RBFOX1: variants seen among roughly 807,000 people sequenced by gnomAD.
RBFOX1 encodes RNA binding fox-1 homolog 1.
RBFOX1 carries 8 observed loss-of-function variants against 57.7 expected under a neutral mutation model. That is an observed-to-expected ratio of 0.14 (90% CI 0.08 to 0.25). The LOEUF (loss-of-function observed/expected upper bound fraction) is 0.25, where lower values mean the gene tolerates loss of function less well. Among genes scored for constraint, RBFOX1 ranks in the 10% least tolerant of loss-of-function variants. The pLI, the probability that RBFOX1 is intolerant of heterozygous loss-of-function variation, is 1.00. For missense variants in RBFOX1, 611 were observed against 548.5 expected, an observed-to-expected ratio of 1.11 and a Z score of -1.14; for synonymous variants, 326 against 222.4, an observed-to-expected ratio of 1.47 and a Z score of -4.15.
At chr16:6,607,994 G>A (rs895000949) in intron 2 of RBFOX1, among the ~76,000 whole-genome samples, 23 of 152,128 alleles carry the variant, frequency 1.5e-4, no homozygotes, top group African/African-American at 5.6e-4. Flanking sequence ...TACTGGGAAG[G>A]CTTTGGTAGG....
intron 4 of RBFOX1, among the ~76,000 whole-genome samples, chr16:7,285,075 C>CTT (rs58959488): frequency 0.04 from 1,687 of 42,682 alleles, 435 homozygotes; most frequent in Non-Finnish European, 0.064. Context: ...AGATTCCTTA[C>CTT]TTTTTTTTTT....
At chr16:7,461,467 A>C (rs1261789666) in intron 4 of RBFOX1, among the ~76,000 whole-genome samples, 3 of 152,164 alleles carry the variant, frequency 2.0e-5, no homozygotes, top group Non-Finnish European at 4.4e-5. Flanking sequence ...TGCCCGGCCA[A>C]AGTAATTTTT....
chr16:6,752,575 C>T (rs902379258), intron 3 of RBFOX1, among the ~76,000 whole-genome samples: 2 of 152,220 alleles, frequency 1.3e-5, no homozygotes, highest in African/African-American at 4.8e-5. Context: ...TGATACTCTT[C>T]ACTGAACTTT....
chr16:6,465,365 G>A (rs2095023249), intron 2 of RBFOX1, among the ~76,000 whole-genome samples: 1 of 152,134 alleles, frequency 6.6e-6, no homozygotes, highest in Admixed American at 6.5e-5. Flanking sequence ...TGACAGTGTA[G>A]GGTAAACCTG....
At chr16:6,049,187 C>T (rs2095526562) in intron 1 of RBFOX1, among the ~76,000 whole-genome samples, 1 of 151,666 alleles carries the variant, frequency 6.6e-6, no homozygotes, top group Non-Finnish European at 1.5e-5. Context: ...CCTCAGCCTC[C>T]CAAGTAGCTG....
chr16:5,913,951 G>A (rs1383023108), intron 4 of RBFOX1, among the ~76,000 whole-genome samples: 1 of 152,236 alleles, frequency 6.6e-6, no homozygotes, highest in Non-Finnish European at 1.5e-5. Context: ...ATTCCGTCAT[G>A]AGGACATCAA....
chr16:5,427,595 A>G (rs1376944182), intron 1 of RBFOX1, among the ~76,000 whole-genome samples: 1 of 143,928 alleles, frequency 6.9e-6, no homozygotes, highest in East Asian at 2.2e-4. Flanking sequence ...AAAACAAAAC[A>G]AAACAAAACA....
At chr16:7,434,242 C>A (rs901751659) in intron 4 of RBFOX1, among the ~76,000 whole-genome samples, 3 of 152,068 alleles carry the variant, frequency 2.0e-5, no homozygotes, top group Admixed American at 2.0e-4. Context: ...GACGCCAAGG[C>A]AGGCAGATCA....
intron 4 of RBFOX1, among the ~76,000 whole-genome samples, chr16:7,321,885 A>G (rs1192079895): frequency 1.3e-5 from 2 of 152,148 alleles, no homozygotes; most frequent in Non-Finnish European, 2.9e-5. Flanking sequence ...CCTGGCCATG[A>G]CATCGCAGAG....
intron 3 of RBFOX1, among the ~76,000 whole-genome samples, chr16:5,646,530 C>A (rs781057709): frequency 6.6e-6 from 1 of 152,110 alleles, no homozygotes. Flanking sequence ...GTAGGATGTG[C>A]AGGAGGAGAA....
chr16:5,852,791 C>G (rs1015931237), intron 3 of RBFOX1, among the ~76,000 whole-genome samples: 1 of 152,054 alleles, frequency 6.6e-6, no homozygotes, highest in East Asian at 1.9e-4. Context: ...GATTGTACCA[C>G]TGCTCTCCAG....
rs375137935 is a variant in RBFOX1 at position 5,735,185 on chromosome 16, C to A, written c.319-132118C>A. The stretch of plus-strand genomic sequence containing the variant: ...CTGGCTAGGAAATATGATGGAACCA[C>A]CTTTTAATAGCATCCTTATCTCAGT... On this transcript the variant is annotated intron_variant, in intron 3 of 19. Transcript: ENST00000641259. Among the ~76,000 whole-genome samples, 4 of 152,248 alleles carry A rather than the reference C, an allele frequency of 2.6e-5. No homozygotes were observed. The East Asian group carries it at 5.8e-4, about 22-fold the overall frequency.
intron 3 of RBFOX1, among the ~76,000 whole-genome samples, chr16:7,018,179 G>T (rs898337122): frequency 6.6e-6 from 1 of 152,092 alleles, no homozygotes. Context: ...CACGAGCCGT[G>T]CATTCGTGGA....
At position 5,658,915 on chromosome 16, in the gene RBFOX1, G is replaced by A. The variant is rs569369702; in HGVS notation, c.318+59954G>A. ...TCTCACATAGTTTCTTTATCCACTC[G>A]TTAATTGATGGACACTTGCATTGCT... On this transcript the variant is annotated intron_variant, in intron 3 of 19. Coordinates refer to the RBFOX1 transcript ENST00000641259. 5.3e-5 allele frequency among the ~76,000 whole-genome samples: 8 copies of A among 150,640 alleles called. No individual in the cohort carries two copies. The East Asian group carries it at 9.8e-4, about 18-fold the overall frequency.
intron 4 of RBFOX1, among the ~76,000 whole-genome samples, chr16:7,104,705 A>G (rs181693826): frequency 1.3e-5 from 2 of 152,276 alleles, no homozygotes; most frequent in East Asian, 3.9e-4. Flanking sequence ...AGTGGAGTTA[A>G]GGACAATTAA....
At chr16:6,813,587 C>T (rs954865400) in intron 3 of RBFOX1, among the ~76,000 whole-genome samples, 3 of 152,162 alleles carry the variant, frequency 2.0e-5, no homozygotes, top group East Asian at 1.9e-4. Flanking sequence ...CTTCTGCATC[C>T]AAACCTCTCT....
At chr16:5,468,380 C>G (rs599596) in intron 2 of RBFOX1, among the ~76,000 whole-genome samples, 23,679 of 152,022 alleles carry the variant, frequency 0.16, 3,710 homozygotes, top group African/African-American at 0.41. Context: ...CTGACAGACA[C>G]CAGTCTGCAT....
chr16:5,518,869 C>G (rs969729449), intron 2 of RBFOX1, among the ~76,000 whole-genome samples: 1 of 152,174 alleles, frequency 6.6e-6, no homozygotes, highest in Non-Finnish European at 1.5e-5. Flanking sequence ...CCCCCTAACC[C>G]CCACTCCCAC....
At chr16:5,991,972 A>G (rs576570894) in intron 4 of RBFOX1, among the ~76,000 whole-genome samples, 1 of 152,232 alleles carries the variant, frequency 6.6e-6, no homozygotes, top group African/African-American at 2.4e-5. Flanking sequence ...ATGCACACAC[A>G]GGCTAGAGAG....
Sources: allele counts gnomAD v4.1 joint callset (sites outside exome capture counted in the v4.1 genomes callset), GRCh38; gene constraint gnomAD v4.1.1; transcripts MANE v1.5; gene names NCBI Gene and HGNC (gene_info 2026-07-23, HGNC 2026-07-21).